The following ATP7B variants were observed in gnomAD, a reference collection of about 807,000 sequenced individuals.
ATP7B encodes the protein ATPase copper transporting beta, also known as copper-transporting ATPase 2.
A neutral mutation model predicts 118.9 loss-of-function variants in ATP7B; 113 were observed. The observed-to-expected ratio is 0.95, with a 90% CI of 0.82 to 1.11. ATP7B has a LOEUF of 1.11. Ranked by LOEUF, ATP7B falls within the 50% of genes most tolerant of loss-of-function variation. The probability of loss-of-function intolerance (pLI) is 0.00; values close to 1 mark genes in which losing one functional copy is unlikely to be tolerated. For missense variants in ATP7B, 1,867 were observed against 1,871.4 expected, an observed-to-expected ratio of 1.00 and a Z score of 0.04; for synonymous variants, 777 against 727.4, an observed-to-expected ratio of 1.07 and a Z score of -1.10.
At position 51,939,117 on chromosome 13, in the gene ATP7B, G is replaced by C; in HGVS notation, c.3633C>G (p.Ser1211Arg). ...TGATCAGAACCACGTCCACACCCAT[G>C]CTCTGCAGCGTGTGCACAGCCAGGG... The part of the protein sequence containing the change: ...EAALAVHTLQ[S>R]MGVDVVLITG... The change falls in exon 17 of 21, where the codon AGC (serine) becomes AGG (arginine). Residue 1211 changes from serine to arginine, a missense_variant. Ser to Arg is a moderately radical substitution (Grantham distance 110, BLOSUM62 -1). Transcript: ENST00000242839. 1 of 1,614,230 alleles carries C rather than the reference G, an allele frequency of 6.2e-7. No homozygotes were observed. Among genetic ancestry groups the C allele is most frequent in the Non-Finnish European group, 8.5e-7 (1 of 1,180,046 alleles).
chr13:51,941,315 T>C, intron 15 of ATP7B, 91 bp from the exon 16 acceptor site: 1 of 1,512,480 alleles, frequency 6.6e-7, no homozygotes, highest in Non-Finnish European at 9.2e-7. Context: ...AAATATCCTT[T>C]TAACCATTCT....
At chr13:51,939,304 T>C in intron 16 of ATP7B, 111 bp from the exon 17 acceptor site, 1 of 1,488,432 alleles carries the variant, frequency 6.7e-7, no homozygotes, top group Non-Finnish European at 9.1e-7. Context: ...AAACAAAACA[T>C]CAAATTATAT....
chr13:51,970,482 C>A lies in ATP7B; in HGVS notation c.1543+10G>T. 6.2e-7 allele frequency: 1 copy of A among 1,614,172 alleles called. No individual in the cohort carries two copies. The highest frequency in any genetic ancestry group is 1.1e-5 in the South Asian group (1 of 91,060). On this transcript the variant is annotated intron_variant, in intron 3 of 20. Coordinates refer to ENST00000242839, the MANE Select transcript of ATP7B (RefSeq NM_000053.4). ...CATTCCTAAGTTCAACATGGGCGTT[C>A]ATCTCTTACCAGCTTCTTTCTGCAG...
chr13:51,956,048 A>C (rs1413606679), intron 9 of ATP7B, among the ~76,000 whole-genome samples: 4 of 152,258 alleles, frequency 2.6e-5, no homozygotes, highest in African/African-American at 9.6e-5. Flanking sequence ...GAACAGCTAC[A>C]GAGTGGAACT....
chr13:51,949,768 A>G lies in ATP7B; in HGVS notation c.2759T>C (p.Phe920Ser). Residue 920 changes from phenylalanine to serine, a missense_variant, in exon 12 of 21, where the codon TTT becomes TCT. By Grantham distance (155) the Phe-to-Ser change is radical. Transcript: ENST00000242839. ...KAPIQQLADR[F>S]SGYFVPFIII... Reference sequence around the variant, plus strand: ...GATAAATGGGACAAAATATCCACTAAACCGGTCAGCCAGCTGCTGAATGGG... The same window carrying G: ...GATAAATGGGACAAAATATCCACTAGACCGGTCAGCCAGCTGCTGAATGGG... 1.2e-6 allele frequency: 2 copies of G among 1,614,124 alleles called. No individual in the cohort carries two copies. The highest frequency in any genetic ancestry group is 2.2e-5 in the South Asian group (2 of 91,090).
rs148360312 is a variant in ATP7B, at chr13:52,005,056, T to G, written c.51+6231A>C. On this transcript the variant is annotated intron_variant, in intron 1 of 20. Transcript: ENST00000242839. ...GAGGCTCGAGGTGGCCCTGGGCAAC[T>G]AGACCCATAGACCTGCTGGCGGGGT... Among the ~76,000 whole-genome samples, 321 of 152,304 alleles carry G rather than the reference T, an allele frequency of 2.1e-3. 1 individual carries two copies. Among genetic ancestry groups the G allele is most frequent in the African/African-American group, 7.3e-3 (303 of 41,554 alleles).
chr13:51,983,553 C>T (rs945978815), intron 1 of ATP7B, among the ~76,000 whole-genome samples: 3 of 152,102 alleles, frequency 2.0e-5, no homozygotes, highest in African/African-American at 7.2e-5. Flanking sequence ...GCACAGTGCT[C>T]GAGCTCTGCT....
intron 9 of ATP7B, among the ~76,000 whole-genome samples, chr13:51,950,953 A>T (rs1957965273): frequency 6.6e-6 from 1 of 152,142 alleles, no homozygotes; most frequent in Non-Finnish European, 1.5e-5. Flanking sequence ...GTGCAAGTTG[A>T]GGTCAGAGAA....
chr13:51,943,197 C>T (rs1194923766), intron 14 of ATP7B, among the ~76,000 whole-genome samples: 1 of 151,942 alleles, frequency 6.6e-6, no homozygotes, highest in South Asian at 2.1e-4. Context: ...GCTGTGACAC[C>T]GACCTCACTT....
chr13:51,951,532 A>G (rs546746984), intron 9 of ATP7B, among the ~76,000 whole-genome samples: 2 of 152,302 alleles, frequency 1.3e-5, no homozygotes, highest in South Asian at 4.1e-4. Flanking sequence ...GAGCTGTCAC[A>G]TGTAGATAGC....
intron 1 of ATP7B, among the ~76,000 whole-genome samples, chr13:51,979,547 GTTAA>G (rs1324067092): frequency 6.6e-6 from 1 of 152,162 alleles, no homozygotes; most frequent in Non-Finnish European, 1.5e-5. Flanking sequence ...TGTAGTTGGT[GTTAA>G]TTAAATACTT....
At position 51,975,147 on chromosome 13, in the gene ATP7B, G is replaced by T; in HGVS notation, c.73C>A (p.Pro25Thr). The T allele has an allele frequency of 6.2e-7, 1 of 1,614,166 alleles. No homozygotes were observed. Among genetic ancestry groups the T allele is most frequent in the Non-Finnish European group, 8.5e-7 (1 of 1,180,016 alleles). Residue 25 changes from proline to threonine, a missense_variant, in exon 2 of 21, where the codon CCT (proline) becomes ACT (threonine). Physicochemically the swap from Pro to Thr is conservative, Grantham distance 38. Coordinates refer to ENST00000242839, the MANE Select transcript of ATP7B (RefSeq NM_000053.4). ...SRKILSKLSL[P>T]TRAWEPAMKK... Reference sequence around the variant, plus strand: ...ATTGCTGGTTCCCAGGCACGGGTAGGCAAAGAAAGCTTAGATAAGATCTAA... The same window carrying T: ...ATTGCTGGTTCCCAGGCACGGGTAGTCAAAGAAAGCTTAGATAAGATCTAA...
At chr13:51,942,245 G>T in intron 15 of ATP7B, 141 bp downstream of exon 15, 1 of 1,280,592 alleles carries the variant, frequency 7.8e-7, no homozygotes, top group Non-Finnish European at 1.1e-6. Context: ...AAACTTTCCT[G>T]GGTGTGGGGA....
chr13:51,991,322 G>A (rs911366929), intron 1 of ATP7B, among the ~76,000 whole-genome samples: 4 of 151,944 alleles, frequency 2.6e-5, no homozygotes, highest in Non-Finnish European at 5.9e-5. Flanking sequence ...TACAGGATAC[G>A]ATGACAAATT....
At chr13:51,981,484 C>T (rs1227283199) in intron 1 of ATP7B, among the ~76,000 whole-genome samples, 1 of 152,192 alleles carries the variant, frequency 6.6e-6, no homozygotes, top group Non-Finnish European at 1.5e-5. Flanking sequence ...CAGCTCTGGA[C>T]CACGTACATC....
chr13:51,979,875 C>G (rs1952325804), intron 1 of ATP7B, among the ~76,000 whole-genome samples: 1 of 152,198 alleles, frequency 6.6e-6, no homozygotes. Flanking sequence ...TCAAACACTA[C>G]TCAGAGGCCC....
chr13:51,948,876 A>G (rs1957820624), intron 12 of ATP7B, among the ~76,000 whole-genome samples: 1 of 152,148 alleles, frequency 6.6e-6, no homozygotes, highest in Admixed American at 6.5e-5. Flanking sequence ...TAAATATTTA[A>G]CTATTATAAA....
At chr13:52,011,471 C>G (rs1395168412), upstream of ATP7B, 17 of 1,132,330 alleles carry the variant, frequency 1.5e-5, no homozygotes, top group Non-Finnish European at 2.0e-5. Flanking sequence ...CGGCTCGGCT[C>G]TAAAGCAAAC....
Position 52,008,869 on chromosome 13 carries a change from C to T in ATP7B, c.51+2418G>A, listed in dbSNP as rs574086045. On this transcript the variant is annotated intron_variant, in intron 1 of 20. Coordinates refer to ENST00000242839, the MANE Select transcript of ATP7B (RefSeq NM_000053.4). ...ATCCCTATCTTATTCCCTTATTCTG[C>T]TTTCTTTTCTTTTCTTTTTTTTTGA... 3.1e-5 allele frequency among the ~76,000 whole-genome samples: 4 copies of T among 129,690 alleles called. No homozygotes were observed. The South Asian group carries it at 9.4e-4, about 30-fold the overall frequency. 85.1% of individuals were successfully genotyped at this position (129,690 alleles called of 152,430 possible). A position where few individuals can be genotyped will look rare whatever the true frequency, so the allele number is the denominator to read the frequency against.
Sources: gnomAD v4.1 joint callset for allele counts (sites outside exome capture counted in the v4.1 genomes callset) on GRCh38, gnomAD v4.1.1 for gene constraint, MANE v1.5 for transcripts, NCBI Gene and HGNC (gene_info 2026-07-23, HGNC 2026-07-21) for gene names.